Variants in CDH12 observed in about 807,000 individuals in gnomAD.
CDH12 encodes cadherin-12.
A neutral mutation model predicts 74.1 loss-of-function variants in CDH12; 41 were observed. The ratio of observed to expected loss-of-function variants is 0.55; its 90% CI spans 0.43 to 0.72. The LOEUF (loss-of-function observed/expected upper bound fraction) is 0.72. Among genes scored for constraint, CDH12 ranks in the 30% least tolerant of loss-of-function variants. The pLI, the probability that CDH12 is intolerant of heterozygous loss-of-function variation, is 0.00. For synonymous variants in CDH12, 399 were observed against 355.0 expected (o/e 1.12, Z -1.39); for missense variants, 945 against 977.2 (o/e 0.97, Z 0.44).
chr5:22,442,682 A>T (rs948239318), intron 2 of CDH12, among the ~76,000 whole-genome samples: 1 of 152,082 alleles, frequency 6.6e-6, no homozygotes, highest in African/African-American at 2.4e-5. Flanking sequence ...CAGGAAAGAT[A>T]GTTGAGAGGA....
At chr5:22,107,440 T>TTA (rs202178522) in intron 4 of CDH12, among the ~76,000 whole-genome samples, 1,921 of 114,414 alleles carry the variant, frequency 0.017, 42 homozygotes, top group African/African-American at 0.059. Context: ...CTTCTGCTCT[T>TTA]CATATATATA....
At chr5:22,713,872 A>T (rs1158911084) in intron 1 of CDH12, among the ~76,000 whole-genome samples, 1 of 152,156 alleles carries the variant, frequency 6.6e-6, no homozygotes, top group Non-Finnish European at 1.5e-5. Context: ...TAGAAAATCT[A>T]ATGCTATTAC....
chr5:22,760,690 A>C (rs1373813536), intron 1 of CDH12, among the ~76,000 whole-genome samples: 38 of 151,260 alleles, frequency 2.5e-4, no homozygotes, highest in East Asian at 1.4e-3. Context: ...AAAAAAAAAA[A>C]AAAAAAAAAA....
intron 1 of CDH12, among the ~76,000 whole-genome samples, chr5:22,803,299 T>G (rs1188249290): frequency 6.6e-6 from 1 of 152,198 alleles, no homozygotes; most frequent in African/African-American, 2.4e-5. Context: ...AAGGGCCTAC[T>G]ACTATAATTA....
In CDH12 at chr5:22,532,373, A is replaced by ATG. The variant is rs1737631120; in HGVS notation, c.-522-27010_-522-27009insCA. ...AGGATATATATATATATATATATAT[A>ATG]TATATGTATGTATCCTATTTTGCTC... On this transcript the variant is annotated intron_variant, in intron 1 of 14. Coordinates refer to ENST00000382254, the MANE Select transcript of CDH12 (RefSeq NM_004061.5). Among the ~76,000 whole-genome samples, 5 of 76,154 alleles carry ATG rather than the reference A, an allele frequency of 6.6e-5. 1 individual carries two copies. The highest frequency in any genetic ancestry group is 2.3e-4 in the African/African-American group (5 of 22,186). The allele number at this position is 76,154 out of a possible 152,430, so 50.0% of individuals were successfully genotyped here.
chr5:22,432,767 C>T (rs1344586042), intron 2 of CDH12, among the ~76,000 whole-genome samples: 1 of 151,968 alleles, frequency 6.6e-6, no homozygotes, highest in African/African-American at 2.4e-5. Context: ...AAAGTGATAC[C>T]TTTTTATAAT....
At chr5:22,109,747 A>T (rs1421389800) in intron 4 of CDH12, among the ~76,000 whole-genome samples, 2 of 152,336 alleles carry the variant, frequency 1.3e-5, no homozygotes, top group East Asian at 3.9e-4. Context: ...TACTCAGATT[A>T]TCAAAGGTAT....
At chr5:22,388,110 C>G (rs1742078821) in intron 3 of CDH12, among the ~76,000 whole-genome samples, 1 of 151,986 alleles carries the variant, frequency 6.6e-6, no homozygotes, top group Non-Finnish European at 1.5e-5. Context: ...TCTAAGAAAA[C>G]AAAAACATCG....
At chr5:22,298,754 T>C (rs971112917) in intron 3 of CDH12, among the ~76,000 whole-genome samples, 7 of 152,142 alleles carry the variant, frequency 4.6e-5, no homozygotes, top group African/African-American at 1.7e-4. Flanking sequence ...CAGGAAGAAA[T>C]TGATAAAGTG....
chr5:22,575,459 C>T (rs1739737180), intron 1 of CDH12, among the ~76,000 whole-genome samples: 2 of 152,098 alleles, frequency 1.3e-5, no homozygotes, highest in South Asian at 4.2e-4. Flanking sequence ...GTGGTGTGAC[C>T]ATGGCTCTCT....
chr5:22,841,734 G>T (rs925522573), intron 1 of CDH12, among the ~76,000 whole-genome samples: 2 of 152,158 alleles, frequency 1.3e-5, no homozygotes, highest in Admixed American at 1.3e-4. Flanking sequence ...CCAACTTTAA[G>T]AACTGTGTTG....
At chr5:21,882,733 C>G (rs1436698649) in intron 6 of CDH12, 21 of 1,604,084 alleles carry the variant, frequency 1.3e-5, no homozygotes, top group Middle Eastern at 1.7e-4. Flanking sequence ...GACCTTTTAG[C>G]CGATGCTGTG....
chr5:21,898,246 G>T (rs1361217801), intron 6 of CDH12, among the ~76,000 whole-genome samples: 1 of 151,298 alleles, frequency 6.6e-6, no homozygotes, highest in South Asian at 2.1e-4. Context: ...TTAGAGACAG[G>T]GTCTCACTCT....
chr5:22,639,602 C>G (rs1561545224), intron 1 of CDH12, among the ~76,000 whole-genome samples: 2 of 151,984 alleles, frequency 1.3e-5, no homozygotes, highest in Non-Finnish European at 2.9e-5. Context: ...GAGTTCTGAA[C>G]GTGCTAGTTT....
intron 3 of CDH12, among the ~76,000 whole-genome samples, chr5:22,216,921 C>T (rs1186479003): frequency 4.0e-5 from 6 of 151,730 alleles, no homozygotes; most frequent in Non-Finnish European, 5.9e-5. Flanking sequence ...ACTATATTAT[C>T]TCTAGGATTT....
At chr5:21,878,456 C>T (rs926220012) in intron 6 of CDH12, among the ~76,000 whole-genome samples, 17 of 151,550 alleles carry the variant, frequency 1.1e-4, no homozygotes, top group African/African-American at 3.6e-4. Flanking sequence ...TCACTAGTCA[C>T]GGTGTTTCAC....
At chr5:21,882,606 T>C (rs1278257092) in intron 6 of CDH12, 1 of 1,601,334 alleles carries the variant, frequency 6.2e-7, no homozygotes, top group Non-Finnish European at 8.6e-7. Flanking sequence ...TTACCCACAG[T>C]CTTTCGCCAG....
chr5:22,161,239 T>G lies in CDH12; in HGVS notation c.-187+51259A>C, dbSNP rs1580342451. Among the ~76,000 whole-genome samples, 3 of 152,308 alleles carry G rather than the reference T, an allele frequency of 2.0e-5. No individual in the cohort carries two copies. In the East Asian group the frequency reaches 5.8e-4, roughly 29 times the overall value. ...TATGTTATGGAGTTCCCCTAAAACTTTTTGTTTCACCTCTCCTCTTCGGTC... is the reference window on the plus strand; with the variant it reads ...TATGTTATGGAGTTCCCCTAAAACTGTTTGTTTCACCTCTCCTCTTCGGTC... On this transcript the variant is annotated intron_variant, in intron 4 of 14. Coordinates refer to ENST00000382254, the MANE Select transcript of CDH12 (RefSeq NM_004061.5).
At chr5:21,855,730 T>C (rs1750723772) in intron 6 of CDH12, among the ~76,000 whole-genome samples, 1 of 151,630 alleles carries the variant, frequency 6.6e-6, no homozygotes, top group African/African-American at 2.4e-5. Context: ...CTGGAGGCAC[T>C]CAAAGTAACT....
Sources: gnomAD v4.1 joint callset for allele counts (sites outside exome capture counted in the v4.1 genomes callset) on GRCh38, gnomAD v4.1.1 for gene constraint, MANE v1.5 for transcripts, NCBI Gene and HGNC (gene_info 2026-07-23, HGNC 2026-07-21) for gene names.